The following PIGG variants were observed in gnomAD, a reference collection of about 807,000 sequenced individuals.
PIGG encodes the protein GPI ethanolamine phosphate transferase 2, catalytic subunit.
Under a neutral mutation model 83.2 loss-of-function variants are expected in PIGG, and 70 were observed. That is an observed-to-expected ratio of 0.84 (90% confidence interval 0.69 to 1.03). The LOEUF (loss-of-function observed/expected upper bound fraction) is 1.03. PIGG is among the 50% of genes least tolerant of loss of function. The pLI is 0.00. For missense variants in PIGG, 1,257 were observed against 1,233.6 expected (o/e 1.02, Z -0.28); for synonymous variants, 532 against 519.5 (o/e 1.02, Z -0.33).
At chr4:518,962 A>G (rs13124714) in intron 6 of PIGG, among the ~76,000 whole-genome samples, 29,460 of 151,368 alleles carry the variant, frequency 0.19, 3,713 homozygotes, top group African/African-American at 0.36. Context: ...GCTTTTTCTC[A>G]CCTCTGGACT....
intron 6 of PIGG, among the ~76,000 whole-genome samples, chr4:518,524 C>T (rs1000660209): frequency 3.9e-5 from 6 of 152,136 alleles, no homozygotes; most frequent in Admixed American, 6.5e-5. Flanking sequence ...ACCCGGGAGG[C>T]GGAGCTTGCA....
intron 5 of PIGG, among the ~76,000 whole-genome samples, chr4:513,438 C>T (rs865877159): frequency 1.1e-4 from 16 of 152,286 alleles, no homozygotes; most frequent in Middle Eastern, 6.8e-3. Context: ...AGAGTGCTGA[C>T]CTCCCTGTGT....
rs144133870 is a variant in PIGG at position 521,663 on chromosome 4, C to T, written c.1336C>T (p.Leu446Phe). The T allele has an allele frequency of 5.5e-5, 88 of 1,613,396 alleles. No homozygotes were observed. The highest frequency in any genetic ancestry group is 7.5e-5 in the Non-Finnish European group (88 of 1,179,484). The change falls in exon 8 of 13, where the codon CTC becomes TTC. Residue 446 changes from leucine to phenylalanine, a missense_variant. By Grantham distance (22) the Leu-to-Phe change is conservative. Transcript: ENST00000453061. ...TGCTGCTGTTTCTCTGTTCCAGGTT[C>T]TCACCCTGCTCCTGCTCAGCGTCCC... ...MVGTVVVLEV[L>F]TLLLLSVPQA...
chr4:538,363 G>A (rs888340866), intron 12 of PIGG, among the ~76,000 whole-genome samples: 5 of 152,158 alleles, frequency 3.3e-5, no homozygotes, highest in Admixed American at 1.3e-4. Flanking sequence ...CTCTTATTCC[G>A]AGAATTTGCT....
chr4:519,283 G>A (rs747834277), intron 6 of PIGG, among the ~76,000 whole-genome samples: 27 of 152,318 alleles, frequency 1.8e-4, no homozygotes, highest in East Asian at 3.9e-4. Context: ...CTGCTTGCTC[G>A]CCATGCTGTG....
chr4:538,046 G>A (rs1261396918), intron 12 of PIGG, among the ~76,000 whole-genome samples: 1 of 150,250 alleles, frequency 6.7e-6, no homozygotes, highest in Non-Finnish European at 1.5e-5. Context: ...AGGACATGCA[G>A]CGGGACCCAC....
chr4:520,996 T>A (rs1453779804), intron 6 of PIGG, 60 bp from the exon 7 acceptor site: 1 of 1,129,858 alleles, frequency 8.9e-7, no homozygotes, highest in Non-Finnish European at 1.3e-6. Flanking sequence ...TGAGATTATG[T>A]ATATAAATGT....
Position 530,731 on chromosome 4 carries a change from T to C in PIGG, c.2557T>C (p.Phe853Leu). The C allele has an allele frequency of 6.2e-7, 1 of 1,604,734 alleles. No homozygotes were observed. Among genetic ancestry groups the C allele is most frequent in the Non-Finnish European group, 8.5e-7 (1 of 1,172,538 alleles). Reference sequence around the variant, plus strand: ...GATGCATTATTGGTTTGGTCAAGCATTCTTCTATTTTCAGGTAGGTTTTCA... The same window carrying C: ...GATGCATTATTGGTTTGGTCAAGCACTCTTCTATTTTCAGGTAGGTTTTCA... ...TVMHYWFGQA[F>L]FYFQGNSNNI... Residue 853 changes from phenylalanine to leucine, a missense_variant, in exon 11 of 13, where the codon TTC (phenylalanine) becomes CTC (leucine). Transcript: ENST00000453061.
At chr4:513,698 C>T (rs925318350) in intron 5 of PIGG, among the ~76,000 whole-genome samples, 1 of 152,192 alleles carries the variant, frequency 6.6e-6, no homozygotes, top group East Asian at 1.9e-4. Flanking sequence ...TGAAAGGATG[C>T]TGCTGGGCTG....
intron 6 of PIGG, among the ~76,000 whole-genome samples, chr4:520,318 C>T (rs542867772): frequency 1.1e-4 from 16 of 152,324 alleles, no homozygotes; most frequent in Admixed American, 4.6e-4. Flanking sequence ...CAGAGGCTCA[C>T]GCATCAGCCA....
In PIGG at chr4:527,021, T is replaced by C; in HGVS notation, c.2070-18T>C. ...GCTGTTTGTTTACGTAATGCTGGCA[T>C]TTTCCATCTCATTTCAGCTCTGACC... On this transcript the variant is annotated intron_variant, in intron 9 of 12. Coordinates refer to ENST00000453061, the MANE Select transcript of PIGG (RefSeq NM_001127178.3). 6.2e-7 allele frequency: 1 copy of C among 1,614,042 alleles called. No homozygotes were observed. Among genetic ancestry groups the C allele is most frequent in the Non-Finnish European group, 8.5e-7 (1 of 1,179,940 alleles).
chr4:514,127 C>A (rs988560782), intron 5 of PIGG, among the ~76,000 whole-genome samples: 1 of 152,180 alleles, frequency 6.6e-6, no homozygotes, highest in Non-Finnish European at 1.5e-5. Flanking sequence ...ATAATAAACC[C>A]CCAAGTCCAG....
At chr4:503,845 TACACACACACACACACACAC>T (rs56841358) in intron 2 of PIGG, among the ~76,000 whole-genome samples, 5 of 145,606 alleles carry the variant, frequency 3.4e-5, no homozygotes, top group Non-Finnish European at 1.5e-5. Context: ...TGTGATTTTA[TACACACACACACACACACAC>T]ACACACACAC....
chr4:538,892 A>T (rs1731400711), intron 12 of PIGG, among the ~76,000 whole-genome samples: 1 of 152,106 alleles, frequency 6.6e-6, no homozygotes, highest in Admixed American at 6.5e-5. Context: ...TCTTCCTGAC[A>T]TGTTACATAT....
At chr4:535,536 C>T (rs1730340034) in intron 12 of PIGG, among the ~76,000 whole-genome samples, 3 of 152,326 alleles carry the variant, frequency 2.0e-5, no homozygotes, top group South Asian at 4.1e-4. Context: ...TGCGTGTGTC[C>T]TGTGGTGACC....
rs1178753179 is a variant in PIGG, at chr4:515,134, A to C, written c.902-839A>C. Among the ~76,000 whole-genome samples the C allele has an allele frequency of 6.6e-6, 1 of 152,272 alleles. No individual in the cohort carries two copies. Among genetic ancestry groups the C allele is most frequent in the Non-Finnish European group, 1.5e-5 (1 of 68,048 alleles). ...AACCTCCCCAGACTCACACCTGAGTATCTAAAGACACCTCACGCACCACCT... is the reference window on the plus strand; with the variant it reads ...AACCTCCCCAGACTCACACCTGAGTCTCTAAAGACACCTCACGCACCACCT... On this transcript the variant is annotated intron_variant, in intron 5 of 12. Coordinates refer to ENST00000453061, the MANE Select transcript of PIGG (RefSeq NM_001127178.3). The surrounding 1 kb of genome is among the most constrained non-coding windows in gnomAD (Gnocchi z 4.2).
intron 10 of PIGG, chr4:527,771 T>C (rs1728060545): frequency 3.0e-6 from 3 of 985,340 alleles, no homozygotes; most frequent in East Asian, 1.1e-4. Context: ...GACCATTTTA[T>C]TTTCTTTGTG....
chr4:539,393 A>G lies in PIGG; in HGVS notation c.*24A>G, dbSNP rs1731538742. Reference sequence around the variant, plus strand: ...AGACTAAGCTGAACACTGGAAAAATAATACATGCTTAAAGTCTGCTGTTAT... The same window carrying G: ...AGACTAAGCTGAACACTGGAAAAATGATACATGCTTAAAGTCTGCTGTTAT... On this transcript the variant is annotated 3_prime_UTR_variant, in exon 13 of 13. Transcript: ENST00000453061. 1 of 1,358,836 alleles carries G rather than the reference A, an allele frequency of 7.4e-7. No homozygotes were observed. Among genetic ancestry groups the G allele is most frequent in the African/African-American group, 1.4e-5 (1 of 69,678 alleles). The allele number at this position is 1,358,836 out of a possible 1,614,324, so 84.2% of individuals were successfully genotyped here. A position where few individuals can be genotyped will look rare whatever the true frequency, so the allele number is the denominator to read the frequency against.
chr4:509,591 C>G (rs1354917159), intron 5 of PIGG, among the ~76,000 whole-genome samples: 1 of 152,262 alleles, frequency 6.6e-6, no homozygotes, highest in African/African-American at 2.4e-5. Flanking sequence ...TTTCTGCCGT[C>G]AGGCACAGCA....
Sources: allele counts gnomAD v4.1 joint callset (sites outside exome capture counted in the v4.1 genomes callset), GRCh38; gene constraint gnomAD v4.1.1; non-coding constraint Gnocchi (gnomAD v3.1); transcripts MANE v1.5; gene names NCBI Gene and HGNC (gene_info 2026-07-23, HGNC 2026-07-21).